ZEB1: variants seen among roughly 807,000 people sequenced by gnomAD.
ZEB1 encodes zinc finger E-box-binding homeobox 1.
A neutral mutation model predicts 84.9 loss-of-function variants in ZEB1; 21 were observed. That is an observed-to-expected ratio of 0.25 (90% CI 0.18 to 0.36). The LOEUF is 0.36. Ranked by LOEUF, ZEB1 falls within the 10% of genes least tolerant of loss-of-function variation. The pLI is 1.00. For synonymous variants in ZEB1, 420 were observed against 471.1 expected (o/e 0.89, Z 1.41); for missense variants, 1,104 against 1,330.2 (o/e 0.83, Z 2.65).
chr10:31,331,081 C>CTTTTTTTTTTTTTTTT lies in ZEB1; in HGVS notation c.58+11800_58+11815dup, dbSNP rs548615284. 4.1e-4 allele frequency among the ~76,000 whole-genome samples: 32 copies of CTTTTTTTTTTTTTTTT among 77,872 alleles called. 3 individuals are homozygous for CTTTTTTTTTTTTTTTT. Among genetic ancestry groups the CTTTTTTTTTTTTTTTT allele is most frequent in the African/African-American group, 8.6e-4 (15 of 17,516 alleles). 51.1% of individuals were successfully genotyped at this position (77,872 alleles called of 152,430 possible). On this transcript the variant is annotated intron_variant, in intron 1 of 8. Transcript: ENST00000424869. ...ATTTTCTTTTCTTTTTTCTTTCTTTCTTTTTTTTTTTTTTTTTTTTTTTTT... is the reference window on the plus strand; with the variant it reads ...ATTTTCTTTTCTTTTTTCTTTCTTTCTTTTTTTTTTTTTTTTTTTTTTTTTTTTTTTTTTTTTTTTT...
intron 1 of ZEB1, among the ~76,000 whole-genome samples, chr10:31,442,570 A>T (rs184436882): frequency 0.013 from 1,719 of 131,124 alleles, 20 homozygotes; most frequent in East Asian, 0.029. Context: ...ATAATAATAA[A>T]AAAAAAAGAA....
intron 1 of ZEB1, chr10:31,363,692 G>A: frequency 8.0e-7 from 1 of 1,252,256 alleles, no homozygotes; most frequent in Non-Finnish European, 1.1e-6. Flanking sequence ...ATCCTTACGG[G>A]GCTGAGGTGT....
intron 4 of ZEB1, among the ~76,000 whole-genome samples, chr10:31,509,301 A>G (rs1161763753): frequency 6.6e-6 from 1 of 152,168 alleles, no homozygotes; most frequent in Non-Finnish European, 1.5e-5. Context: ...GGGTTCTCCC[A>G]TGGCTAGGAT....
At chr10:31,415,830 A>G (rs2055125644) in intron 1 of ZEB1, among the ~76,000 whole-genome samples, 1 of 152,072 alleles carries the variant, frequency 6.6e-6, no homozygotes, top group Non-Finnish European at 1.5e-5. Flanking sequence ...CTTGGCAAAA[A>G]TGGTTGATTT....
At chr10:31,403,230 ATTG>A (rs1487472278) in intron 1 of ZEB1, among the ~76,000 whole-genome samples, 3 of 152,210 alleles carry the variant, frequency 2.0e-5, no homozygotes, top group Non-Finnish European at 1.5e-5. Flanking sequence ...AAGTTTCAGA[ATTG>A]TTGTGAGGAT....
chr10:31,434,560 T>TA (rs1472304159), intron 1 of ZEB1, among the ~76,000 whole-genome samples: 1 of 152,180 alleles, frequency 6.6e-6, no homozygotes, highest in Non-Finnish European at 1.5e-5. Context: ...TAAAAACAAT[T>TA]ACCAAATCAT....
intron 5 of ZEB1, among the ~76,000 whole-genome samples, chr10:31,512,897 G>A (rs2070354134): frequency 6.6e-6 from 1 of 152,104 alleles, no homozygotes; most frequent in Non-Finnish European, 1.5e-5. Flanking sequence ...TGAAACATAA[G>A]AAAGCCTTGA....
intron 1 of ZEB1, chr10:31,321,263 TC>T (rs2033962610): frequency 7.7e-7 from 1 of 1,298,416 alleles, no homozygotes; most frequent in African/African-American, 1.5e-5. Context: ...GATGTTTCCT[TC>T]CAATCCATAA....
At chr10:31,445,495 G>A (rs1488368893) in intron 1 of ZEB1, among the ~76,000 whole-genome samples, 1 of 149,384 alleles carries the variant, frequency 6.7e-6, no homozygotes, top group East Asian at 2.0e-4. Context: ...TCTTGTGCCA[G>A]TTTTCAAAGG....
rs1036193484 is a variant in ZEB1, at chr10:31,526,730, G to A, written c.2844G>A (p.Leu948=). 5 of 1,613,956 alleles carry A rather than the reference G, an allele frequency of 3.1e-6. No homozygotes were observed. In the African/African-American group the frequency reaches 6.7e-5, roughly 22 times the overall value. Residue 948 remains leucine, a synonymous_variant, in exon 9 of 9, where the codon TTG becomes TTA. Coordinates refer to ENST00000424869, the MANE Select transcript of ZEB1 (RefSeq NM_001174096.2). The stretch of plus-strand genomic sequence containing the variant: ...AGGCATTTAAACACAAACATCATTT[G>A]ATTGAACACATGCGATTACATTCTG... ...CKKAFKHKHH[L]IEHMRLHSGE...
Position 31,339,499 on chromosome 10 carries a change from G to A in ZEB1, c.58+20207G>A, listed in dbSNP as rs147573726. 5.5e-3 allele frequency among the ~76,000 whole-genome samples: 837 copies of A among 152,252 alleles called. 13 individuals are homozygous for A. The highest frequency in any genetic ancestry group is 0.019 in the African/African-American group (785 of 41,534). On this transcript the variant is annotated intron_variant, in intron 1 of 8. Transcript: ENST00000424869. ...AAGAACCTATATAAGGCCAGGCGCC[G>A]TGGCTCACATCTGTAGTCCCAGCAC...
intron 4 of ZEB1, among the ~76,000 whole-genome samples, chr10:31,508,904 GA>G (rs1159950069): frequency 6.6e-6 from 1 of 152,184 alleles, no homozygotes; most frequent in East Asian, 1.9e-4. Context: ...AGCTGCTGAG[GA>G]AATTAGGGTC....
chr10:31,528,443 CTG>C lies in ZEB1; in HGVS notation c.*1181_*1182del, dbSNP rs1447889558. 6.6e-6 allele frequency: 1 copy of C among 152,138 alleles called. No homozygotes were observed. Among genetic ancestry groups the C allele is most frequent in the African/African-American group, 2.4e-5 (1 of 41,428 alleles). 9.4% of individuals were successfully genotyped at this position (152,138 alleles called of 1,614,324 possible). ...CATGCTATTGTTATTTGGCTCATAA[CTG>C]TTTCCAAATGTTAGTTATTATGGAC... is the stretch of plus-strand genomic sequence containing the variant. On this transcript the variant is annotated 3_prime_UTR_variant, in exon 9 of 9. Transcript: ENST00000424869.
intron 8 of ZEB1, 89 bp downstream of exon 8, chr10:31,524,202 C>CTTTT (rs59206948): frequency 4.8e-6 from 5 of 1,042,658 alleles, no homozygotes; most frequent in Non-Finnish European, 6.7e-6. Context: ...AATTTTCTTT[C>CTTTT]TTTTTTTTTT....
At chr10:31,524,267 G>C (rs1273141821) in intron 8 of ZEB1, among the ~76,000 whole-genome samples, 154 bp downstream of exon 8, 1 of 151,136 alleles carries the variant, frequency 6.6e-6, no homozygotes, top group East Asian at 1.9e-4. Flanking sequence ...CTGGAGTGCA[G>C]TGGCACGCAA....
At chr10:31,444,622 T>G (rs1023567018) in intron 1 of ZEB1, among the ~76,000 whole-genome samples, 1 of 151,968 alleles carries the variant, frequency 6.6e-6, no homozygotes, top group African/African-American at 2.4e-5. Flanking sequence ...AGTTTCAGCT[T>G]TCTACATATG....
At chr10:31,463,231 G>A (rs2062011663) in intron 2 of ZEB1, among the ~76,000 whole-genome samples, 1 of 152,058 alleles carries the variant, frequency 6.6e-6, no homozygotes, top group Non-Finnish European at 1.5e-5. Context: ...AAAGGAAGGT[G>A]AAAAAATCAG....
At chr10:31,432,015 G>A (rs1187154991) in intron 1 of ZEB1, among the ~76,000 whole-genome samples, 1 of 152,208 alleles carries the variant, frequency 6.6e-6, no homozygotes, top group African/African-American at 2.4e-5. Flanking sequence ...ACAGATATCA[G>A]TATTCTGGTT....
At chr10:31,467,027 G>C (rs1332607783) in intron 2 of ZEB1, among the ~76,000 whole-genome samples, 4 of 152,088 alleles carry the variant, frequency 2.6e-5, no homozygotes, top group Non-Finnish European at 5.9e-5. Context: ...AGAAAACACT[G>C]AAATTTAATA....
Sources: gnomAD v4.1 joint callset for allele counts (sites outside exome capture counted in the v4.1 genomes callset) on GRCh38, gnomAD v4.1.1 for gene constraint, MANE v1.5 for transcripts, NCBI Gene and HGNC (gene_info 2026-07-23, HGNC 2026-07-21) for gene names.